The following VPS13B variants were observed in gnomAD, a reference collection of about 807,000 sequenced individuals.
The protein encoded by VPS13B is vacuolar protein sorting 13 homolog B, also known as intermembrane lipid transfer protein VPS13B.
In VPS13B, 285 loss-of-function variants were observed where a neutral mutation model predicts 426.4. The ratio of observed to expected loss-of-function variants is 0.67; its 90% CI spans 0.61 to 0.74. VPS13B has a LOEUF of 0.74. Among genes scored for constraint, VPS13B ranks in the 30% least tolerant of loss-of-function variants. VPS13B has a pLI of 0.00. For missense variants in VPS13B, 4,537 were observed against 4,782.6 expected, an observed-to-expected ratio of 0.95 and a Z score of 1.51; for synonymous variants, 1,676 against 1,676.4, an observed-to-expected ratio of 1.00 and a Z score of 0.01.
chr8:99,527,477 C>G (rs1822709179), intron 30 of VPS13B, among the ~76,000 whole-genome samples: 1 of 152,018 alleles, frequency 6.6e-6, no homozygotes, highest in African/African-American at 2.4e-5. Flanking sequence ...TTATAACTGC[C>G]AGCTCCTGGA....
intron 43 of VPS13B, among the ~76,000 whole-genome samples, chr8:99,788,755 TA>T (rs1488530898): frequency 6.6e-6 from 1 of 152,174 alleles, no homozygotes; most frequent in East Asian, 1.9e-4. Context: ...TTTAAAAATG[TA>T]AAAACCATTC....
intron 8 of VPS13B, among the ~76,000 whole-genome samples, chr8:99,124,644 T>C (rs182097175): frequency 1.4e-4 from 22 of 152,120 alleles, no homozygotes; most frequent in Non-Finnish European, 2.9e-5. Flanking sequence ...CCCAGCACTT[T>C]GGGAGGCTGA....
intron 33 of VPS13B, among the ~76,000 whole-genome samples, chr8:99,584,782 A>G (rs555353029): frequency 1.3e-5 from 2 of 152,332 alleles, no homozygotes; most frequent in South Asian, 4.1e-4. Context: ...TATTTATTCA[A>G]TAAATATTGA....
intron 36 of VPS13B, among the ~76,000 whole-genome samples, chr8:99,704,157 C>CT (rs1832403445): frequency 6.6e-6 from 1 of 152,124 alleles, no homozygotes; most frequent in Non-Finnish European, 1.5e-5. Flanking sequence ...GTAACTTTCA[C>CT]TACCCCAGGC....
chr8:99,479,445 A>G (rs968373406), intron 24 of VPS13B, among the ~76,000 whole-genome samples: 32 of 152,146 alleles, frequency 2.1e-4, no homozygotes, highest in African/African-American at 7.0e-4. Context: ...TTTTTTAGGG[A>G]TTTTTAAAAA....
At chr8:99,590,216 G>A (rs1239074520) in intron 33 of VPS13B, among the ~76,000 whole-genome samples, 1 of 152,012 alleles carries the variant, frequency 6.6e-6, no homozygotes. Flanking sequence ...GCATCTATTT[G>A]ATTCTTCTCT....
intron 17 of VPS13B, among the ~76,000 whole-genome samples, chr8:99,229,977 C>T (rs1161877933): frequency 6.6e-6 from 1 of 152,202 alleles, no homozygotes; most frequent in African/African-American, 2.4e-5. Flanking sequence ...ATAATTCTTT[C>T]ACATCACCAG....
chr8:99,658,670 TAGGTC>T lies in VPS13B; in HGVS notation c.5909-2682_5909-2678del, dbSNP rs1830107122. Among the ~76,000 whole-genome samples the T allele has an allele frequency of 2.0e-5, 3 of 152,348 alleles. No individual in the cohort carries two copies. The South Asian group carries it at 6.2e-4, about 32-fold the overall frequency. On this transcript the variant is annotated intron_variant, in intron 34 of 61. Coordinates refer to ENST00000357162, the MANE Select transcript of VPS13B (RefSeq NM_152564.5). ...ATTAAATTCCTACACATTAATTTCC[TAGGTC>T]AAGTGACATACACATTTAAAATCAG...
chr8:99,565,978 C>G (rs1309773152), intron 31 of VPS13B, among the ~76,000 whole-genome samples: 1 of 152,120 alleles, frequency 6.6e-6, no homozygotes, highest in Non-Finnish European at 1.5e-5. Context: ...CCTTACCATG[C>G]CTTTACATGA....
intron 3 of VPS13B, among the ~76,000 whole-genome samples, chr8:99,079,567 A>G (rs923823743): frequency 6.6e-6 from 1 of 151,986 alleles, no homozygotes; most frequent in Non-Finnish European, 1.5e-5. Flanking sequence ...CCTACTATGA[A>G]TTTTTTTTAT....
At chr8:99,487,654 C>T (rs1245026608) in intron 25 of VPS13B, among the ~76,000 whole-genome samples, 1 of 152,074 alleles carries the variant, frequency 6.6e-6, no homozygotes. Context: ...CTGTCTCTAT[C>T]GATTTGCCTA....
chr8:99,663,720 A>T (rs1170535419), intron 35 of VPS13B, among the ~76,000 whole-genome samples: 1 of 152,232 alleles, frequency 6.6e-6, no homozygotes, highest in Non-Finnish European at 1.5e-5. Context: ...TAATTAGTTC[A>T]TGGAAGAGTG....
At chr8:99,543,173 C>T (rs1362396772) in intron 30 of VPS13B, among the ~76,000 whole-genome samples, 1 of 152,172 alleles carries the variant, frequency 6.6e-6, no homozygotes, top group Non-Finnish European at 1.5e-5. Flanking sequence ...CTACAACTAT[C>T]TGATCTTTGA....
chr8:99,228,879 A>T (rs937862949), intron 17 of VPS13B, among the ~76,000 whole-genome samples: 1 of 152,108 alleles, frequency 6.6e-6, no homozygotes, highest in Non-Finnish European at 1.5e-5. Flanking sequence ...AAGGCTTCAG[A>T]GAAGAGTTGA....
chr8:99,315,799 G>T (rs969122667), intron 19 of VPS13B, among the ~76,000 whole-genome samples: 12 of 152,080 alleles, frequency 7.9e-5, no homozygotes, highest in Non-Finnish European at 1.8e-4. Flanking sequence ...ACCGCGCCCG[G>T]TTAATTTTTT....
At chr8:99,374,818 G>A (rs1472202497) in intron 19 of VPS13B, among the ~76,000 whole-genome samples, 1 of 152,054 alleles carries the variant, frequency 6.6e-6, no homozygotes, top group Non-Finnish European at 1.5e-5. Flanking sequence ...CTTTGTTTTT[G>A]TATGGTTTGT....
chr8:99,110,839 TG>T (rs1025636195), intron 5 of VPS13B, among the ~76,000 whole-genome samples: 11 of 151,950 alleles, frequency 7.2e-5, no homozygotes, highest in Non-Finnish European at 1.6e-4. Flanking sequence ...CCATGCAGAT[TG>T]GGGCAAACTA....
intron 39 of VPS13B, among the ~76,000 whole-genome samples, chr8:99,747,634 A>G (rs1266808058): frequency 6.6e-6 from 1 of 152,080 alleles, no homozygotes; most frequent in Non-Finnish European, 1.5e-5. Context: ...GATATGGCAA[A>G]AATGTTTATA....
At chr8:99,429,806 A>G (rs1013222374) in intron 21 of VPS13B, among the ~76,000 whole-genome samples, 20 of 152,204 alleles carry the variant, frequency 1.3e-4, no homozygotes, top group African/African-American at 4.8e-4. Flanking sequence ...CTTTCAAAAC[A>G]CATATTCAAC....
Sources: gnomAD v4.1 joint callset for allele counts (sites outside exome capture counted in the v4.1 genomes callset) on GRCh38, gnomAD v4.1.1 for gene constraint, MANE v1.5 for transcripts, NCBI Gene and HGNC (gene_info 2026-07-23, HGNC 2026-07-21) for gene names.